The following RBM20 variants were observed in gnomAD, a reference collection of about 807,000 sequenced individuals.
The protein encoded by RBM20 is RNA-binding protein 20.
RBM20 carries 51 observed loss-of-function variants against 110.1 expected under a neutral mutation model. The observed-to-expected ratio is 0.46, with a 90% CI of 0.37 to 0.59. The LOEUF is 0.59. Ranked by LOEUF, RBM20 falls within the 20% of genes least tolerant of loss-of-function variation. RBM20 has a pLI of 0.00. For synonymous variants in RBM20, 589 were observed against 618.2 expected, an observed-to-expected ratio of 0.95 and a Z score of 0.70; for missense variants, 1,512 against 1,574.9, an observed-to-expected ratio of 0.96 and a Z score of 0.68.
At chr10:110,696,397 G>A (rs1482227841) in intron 1 of RBM20, among the ~76,000 whole-genome samples, 2 of 152,194 alleles carry the variant, frequency 1.3e-5, no homozygotes, top group Non-Finnish European at 2.9e-5. Context: ...ATGGGGTTGG[G>A]AGGGAGGCAT....
At position 110,727,399 on chromosome 10, in the gene RBM20, C is replaced by CA. The variant is rs373594637; in HGVS notation, c.192-53396dup. Among the ~76,000 whole-genome samples, 143 of 83,220 alleles carry CA rather than the reference C, an allele frequency of 1.7e-3. 1 individual carries two copies. Among genetic ancestry groups the CA allele is most frequent in the South Asian group, 0.013 (19 of 1,476 alleles). The allele number at this position is 83,220 out of a possible 152,430, so 54.6% of individuals were successfully genotyped here. A position where few individuals can be genotyped will look rare whatever the true frequency, so the allele number is the denominator to read the frequency against. On this transcript the variant is annotated intron_variant, in intron 1 of 13. Coordinates refer to ENST00000369519, the MANE Select transcript of RBM20 (RefSeq NM_001134363.3). Reference sequence around the variant, plus strand: ...ATACTATTTATTAAAAAGTCCGTCTCAAAAAATAAAAATAAAAAAAAAATA... The same window carrying CA: ...ATACTATTTATTAAAAAGTCCGTCTCAAAAAAATAAAAATAAAAAAAAAATA...
intron 2 of RBM20, 62 bp downstream of exon 2, chr10:110,781,946 A>G: frequency 6.5e-7 from 1 of 1,545,312 alleles, no homozygotes; most frequent in Non-Finnish European, 8.8e-7. Flanking sequence ...TTTCCCCATG[A>G]CCCAACTCAC....
intron 1 of RBM20, among the ~76,000 whole-genome samples, chr10:110,712,016 A>G (rs1862937860): frequency 6.6e-6 from 1 of 152,242 alleles, no homozygotes; most frequent in Non-Finnish European, 1.5e-5. Context: ...AGTAATGGTA[A>G]TTTCTTATTA....
intron 7 of RBM20, among the ~76,000 whole-genome samples, chr10:110,806,695 A>T (rs1014351714): frequency 6.6e-6 from 1 of 152,206 alleles, no homozygotes; most frequent in African/African-American, 2.4e-5. Context: ...TGGGTAATGG[A>T]TTCTTCGGGG....
intron 1 of RBM20, among the ~76,000 whole-genome samples, chr10:110,763,287 C>T (rs1415077637): frequency 6.6e-6 from 1 of 151,740 alleles, no homozygotes; most frequent in East Asian, 1.9e-4. Flanking sequence ...CCCCCTGATG[C>T]CAGGATACCC....
chr10:110,695,212 C>T (rs993058355), intron 1 of RBM20, among the ~76,000 whole-genome samples: 1 of 152,192 alleles, frequency 6.6e-6, no homozygotes, highest in Non-Finnish European at 1.5e-5. Flanking sequence ...GGTGTTTATT[C>T]ATCTGCAGAC....
At chr10:110,727,143 CTTTTTTTTTTTTTTTT>C (rs57606079) in intron 1 of RBM20, among the ~76,000 whole-genome samples, 9 of 80,656 alleles carry the variant, frequency 1.1e-4, no homozygotes, top group African/African-American at 2.1e-4. Context: ...TGCACCCAGC[CTTTTTTTTTTTTTTTT>C]TTTTTTTTTT....
rs75558970 is a variant in RBM20, at chr10:110,762,051, A to T, written c.192-18750A>T. On this transcript the variant is annotated intron_variant, in intron 1 of 13. Coordinates refer to ENST00000369519, the MANE Select transcript of RBM20 (RefSeq NM_001134363.3). ...GTGAAACCCCGTCCCTACTAAAAAT[A>T]CACCTTGTGTACTGGGAGGTGCTTT... Among the ~76,000 whole-genome samples, 435 of 152,348 alleles carry T rather than the reference A, an allele frequency of 2.9e-3. 2 individuals carry two copies. The highest frequency in any genetic ancestry group is 9.9e-3 in the African/African-American group (413 of 41,578).
At chr10:110,756,623 A>G (rs1843925451) in intron 1 of RBM20, 1 of 152,198 alleles carries the variant, frequency 6.6e-6, no homozygotes, top group Non-Finnish European at 1.5e-5. Flanking sequence ...GAGGAGTTCT[A>G]TCATTTGGTC....
At chr10:110,801,558 C>T (rs12357664) in intron 7 of RBM20, among the ~76,000 whole-genome samples, 7,669 of 151,922 alleles carry the variant, frequency 0.05, 235 homozygotes, top group Middle Eastern at 0.082. Flanking sequence ...GTTTTTGAGA[C>T]GGAGTCTTGC....
In RBM20 at chr10:110,711,389, A is replaced by C. The variant is rs1264343235; in HGVS notation, c.191+66744A>C. Among the ~76,000 whole-genome samples the C allele has an allele frequency of 4.7e-5, 7 of 149,680 alleles. No homozygotes were observed. The East Asian group carries it at 1.4e-3, about 30-fold the overall frequency. On this transcript the variant is annotated intron_variant, in intron 1 of 13. Coordinates refer to ENST00000369519, the MANE Select transcript of RBM20 (RefSeq NM_001134363.3). ...AGGAGAGGGGAGGTGTGGGAAGGACAGGCCACTGCCACCTTTACCCCAAGC... is the reference window on the plus strand; with the variant it reads ...AGGAGAGGGGAGGTGTGGGAAGGACCGGCCACTGCCACCTTTACCCCAAGC...
At chr10:110,767,270 A>G (rs1590664694) in intron 1 of RBM20, among the ~76,000 whole-genome samples, 1 of 108,554 alleles carries the variant, frequency 9.2e-6, no homozygotes, top group African/African-American at 3.7e-5. Flanking sequence ...GGGGCTCCTC[A>G]CTTCCCAGTA....
chr10:110,727,707 A>G (rs1445625532), intron 1 of RBM20, among the ~76,000 whole-genome samples: 1 of 152,170 alleles, frequency 6.6e-6, no homozygotes, highest in African/African-American at 2.4e-5. Context: ...ATAGGTATAC[A>G]TGTGCTATGG....
intron 1 of RBM20, among the ~76,000 whole-genome samples, chr10:110,773,633 C>T (rs1157276180): frequency 6.6e-6 from 1 of 152,116 alleles, no homozygotes; most frequent in Non-Finnish European, 1.5e-5. Context: ...CTATGGGACT[C>T]GTTAGTTAAG....
At chr10:110,736,610 T>C (rs1843672976) in intron 1 of RBM20, among the ~76,000 whole-genome samples, 1 of 152,200 alleles carries the variant, frequency 6.6e-6, no homozygotes, top group Non-Finnish European at 1.5e-5. Flanking sequence ...CCGTGTGTGC[T>C]GGGAATGCAG....
At chr10:110,650,050 A>G (rs1444496805) in intron 1 of RBM20, among the ~76,000 whole-genome samples, 4 of 152,136 alleles carry the variant, frequency 2.6e-5, no homozygotes, top group Non-Finnish European at 2.9e-5. Flanking sequence ...TTTAAATTCC[A>G]CCCAACTAAA....
At chr10:110,746,582 G>A (rs1417631) in intron 1 of RBM20, among the ~76,000 whole-genome samples, 5,808 of 152,250 alleles carry the variant, frequency 0.038, 388 homozygotes, top group African/African-American at 0.13. Flanking sequence ...AGTATTTCAA[G>A]GCCGGCACCA....
intron 1 of RBM20, among the ~76,000 whole-genome samples, chr10:110,776,293 T>C (rs1268836962): frequency 6.6e-6 from 1 of 152,240 alleles, no homozygotes; most frequent in Non-Finnish European, 1.5e-5. Flanking sequence ...CTTTTGCATC[T>C]AATTGTCTTG....
chr10:110,747,230 G>T (rs559921988), intron 1 of RBM20, among the ~76,000 whole-genome samples: 2 of 150,554 alleles, frequency 1.3e-5, no homozygotes, highest in Admixed American at 1.3e-4. Context: ...ACCTGCTTGT[G>T]TATTACTGGT....
Sources: allele counts gnomAD v4.1 joint callset (sites outside exome capture counted in the v4.1 genomes callset), GRCh38; gene constraint gnomAD v4.1.1; transcripts MANE v1.5; gene names NCBI Gene and HGNC (gene_info 2026-07-23, HGNC 2026-07-21).